Variants in LRRTM3 observed in about 807,000 individuals in gnomAD.
LRRTM3 encodes leucine-rich repeat transmembrane neuronal protein 3.
A neutral mutation model predicts 44.7 loss-of-function variants in LRRTM3; 24 were observed. The ratio of observed to expected loss-of-function variants is 0.54; its 90% confidence interval spans 0.39 to 0.76. The LOEUF is 0.76. Ranked by LOEUF, LRRTM3 falls within the 30% of genes least tolerant of loss-of-function variation. The probability of loss-of-function intolerance (pLI) is 0.00; values close to 1 mark genes in which losing one functional copy is unlikely to be tolerated. For missense variants in LRRTM3, 587 were observed against 702.2 expected, an observed-to-expected ratio of 0.84 and a Z score of 1.85; for synonymous variants, 277 against 278.7, an observed-to-expected ratio of 0.99 and a Z score of 0.06.
At chr10:67,086,349 A>G (rs1857306812) in intron 2 of LRRTM3, among the ~76,000 whole-genome samples, 1 of 152,036 alleles carries the variant, frequency 6.6e-6, no homozygotes, top group Admixed American at 6.6e-5. Context: ...GTTGGGACAG[A>G]ATATCACTTC....
intron 2 of LRRTM3, among the ~76,000 whole-genome samples, chr10:67,001,600 C>G (rs1782854877): frequency 6.6e-6 from 1 of 152,032 alleles, no homozygotes; most frequent in Non-Finnish European, 1.5e-5. Flanking sequence ...GAATTACCAA[C>G]AGATAAATTT....
chr10:67,030,629 T>A (rs1242150692), intron 2 of LRRTM3, among the ~76,000 whole-genome samples: 1 of 152,170 alleles, frequency 6.6e-6, no homozygotes, highest in East Asian at 1.9e-4. Flanking sequence ...ATTATGTAGA[T>A]CAATATATTT....
chr10:67,088,501 A>C (rs920731510), intron 2 of LRRTM3, among the ~76,000 whole-genome samples: 2 of 151,936 alleles, frequency 1.3e-5, no homozygotes, highest in Non-Finnish European at 2.9e-5. Context: ...CGGTGCCTGC[A>C]TTACATAAGA....
intron 2 of LRRTM3, among the ~76,000 whole-genome samples, chr10:67,084,667 T>C (rs1466079903): frequency 4.6e-5 from 7 of 151,894 alleles, no homozygotes; most frequent in African/African-American, 1.4e-4. Flanking sequence ...TGATAACTTT[T>C]ATAATGGACA....
chr10:66,962,779 G>A (rs2089198847), intron 2 of LRRTM3, among the ~76,000 whole-genome samples: 1 of 152,022 alleles, frequency 6.6e-6, no homozygotes, highest in Admixed American at 6.6e-5. Flanking sequence ...ACTTAAAATG[G>A]CTTTTAGAAT....
chr10:67,078,300 A>G (rs1369521133), intron 2 of LRRTM3, among the ~76,000 whole-genome samples: 1 of 152,166 alleles, frequency 6.6e-6, no homozygotes, highest in African/African-American at 2.4e-5. Flanking sequence ...TATAGTGCCT[A>G]CTAACTGGCC....
chr10:67,021,098 T>C (rs1254759998), intron 2 of LRRTM3, among the ~76,000 whole-genome samples: 1 of 152,204 alleles, frequency 6.6e-6, no homozygotes, highest in African/African-American at 2.4e-5. Context: ...TTGTAACTAT[T>C]ACTCTGACAG....
At position 66,964,685 on chromosome 10, in the gene LRRTM3, C is replaced by T. The variant is rs531329530; in HGVS notation, c.1536+36233C>T. On this transcript the variant is annotated intron_variant, in intron 2 of 2. Transcript: ENST00000361320. ...TCACAGGACTGAGTCACCAATTATA[C>T]CTACAGCCTGCACTTGGTTTTCTTC... 1.3e-4 allele frequency among the ~76,000 whole-genome samples: 20 copies of T among 152,200 alleles called. 1 individual carries two copies. The South Asian group carries it at 4.1e-3, about 32-fold the overall frequency.
intron 1 of LRRTM3, 81 bp downstream of exon 1, chr10:66,926,668 A>C (rs1409796414): frequency 6.7e-7 from 1 of 1,499,748 alleles, no homozygotes; most frequent in Non-Finnish European, 9.3e-7. Context: ...TTCTGCCTTA[A>C]TTATTTTAGA....
chr10:66,994,580 A>T (rs1480192028), intron 2 of LRRTM3, among the ~76,000 whole-genome samples: 2 of 152,208 alleles, frequency 1.3e-5, no homozygotes, highest in Non-Finnish European at 1.5e-5. Flanking sequence ...AGTACCAAGG[A>T]TACCTAAAGT....
intron 2 of LRRTM3, among the ~76,000 whole-genome samples, chr10:67,069,677 T>C (rs1037478661): frequency 6.6e-6 from 1 of 151,456 alleles, no homozygotes; most frequent in Non-Finnish European, 1.5e-5. Flanking sequence ...TCACTCAGTA[T>C]ATACTCTGTT....
At chr10:66,961,942 A>G (rs1478135073) in intron 2 of LRRTM3, among the ~76,000 whole-genome samples, 2 of 152,156 alleles carry the variant, frequency 1.3e-5, no homozygotes, top group East Asian at 3.9e-4. Context: ...AGCCACTTCC[A>G]ACTCATCACT....
rs1473177548 is a variant in LRRTM3 at position 66,966,470 on chromosome 10, TCG to T, written c.1536+38019_1536+38020del. ...AGAATTAATATGCAGCTGGGTTAACTCGGCTATGTAATATATTTTTTTTTTCA... is the reference window on the plus strand; with the variant it reads ...AGAATTAATATGCAGCTGGGTTAACTGCTATGTAATATATTTTTTTTTTCA... On this transcript the variant is annotated intron_variant, in intron 2 of 2. Coordinates refer to ENST00000361320, the MANE Select transcript of LRRTM3 (RefSeq NM_178011.5). Among the ~76,000 whole-genome samples, 632 of 129,804 alleles carry T rather than the reference TCG, an allele frequency of 4.9e-3. 37 individuals are homozygous for T. In the East Asian group the frequency reaches 0.12, roughly 24 times the overall value. 85.2% of individuals were successfully genotyped at this position (129,804 alleles called of 152,430 possible).
intron 2 of LRRTM3, among the ~76,000 whole-genome samples, chr10:66,975,793 T>C (rs904532456): frequency 6.6e-6 from 1 of 152,228 alleles, no homozygotes; most frequent in African/African-American, 2.4e-5. Context: ...TCTGTCTGTT[T>C]TTCTAAGTTA....
intron 2 of LRRTM3, among the ~76,000 whole-genome samples, chr10:67,003,704 T>C (rs1851809414): frequency 6.6e-6 from 1 of 152,218 alleles, no homozygotes; most frequent in Non-Finnish European, 1.5e-5. Context: ...CCTGTCTTCA[T>C]GCAGAATTTG....
At chr10:66,983,528 G>T (rs1165176909) in intron 2 of LRRTM3, among the ~76,000 whole-genome samples, 1 of 150,730 alleles carries the variant, frequency 6.6e-6, no homozygotes, top group Non-Finnish European at 1.5e-5. Context: ...GGTAGCCACT[G>T]CCATTTTCTT....
intron 2 of LRRTM3, among the ~76,000 whole-genome samples, chr10:67,074,821 T>C (rs1411897784): frequency 2.0e-5 from 3 of 152,110 alleles, no homozygotes; most frequent in Non-Finnish European, 4.4e-5. Context: ...AATTTATTTA[T>C]GTATGTATGT....
At chr10:67,020,150 G>A (rs991795611) in intron 2 of LRRTM3, among the ~76,000 whole-genome samples, 2 of 152,106 alleles carry the variant, frequency 1.3e-5, no homozygotes, top group African/African-American at 4.8e-5. Context: ...CAGAATTATA[G>A]TATTTTTTAT....
Position 66,992,858 on chromosome 10 carries a change from G to C in LRRTM3, c.1536+64406G>C, listed in dbSNP as rs540827982. Among the ~76,000 whole-genome samples the C allele has an allele frequency of 2.2e-4, 34 of 152,116 alleles. No individual in the cohort carries two copies. The South Asian group carries it at 6.6e-3, about 30-fold the overall frequency. ...TTTAGTGATACAACAAGGCTTTTAT[G>C]AGTGAGGACTGCTTTGAGGCTTTGT... On this transcript the variant is annotated intron_variant, in intron 2 of 2. Coordinates refer to ENST00000361320, the MANE Select transcript of LRRTM3 (RefSeq NM_178011.5).
Sources: allele counts gnomAD v4.1 joint callset (sites outside exome capture counted in the v4.1 genomes callset), GRCh38; gene constraint gnomAD v4.1.1; transcripts MANE v1.5; gene names NCBI Gene and HGNC (gene_info 2026-07-23, HGNC 2026-07-21).